The following LRRC63 variants were observed in gnomAD, a reference collection of about 807,000 sequenced individuals.
The protein encoded by LRRC63 is leucine rich repeat containing 63, also known as leucine-rich repeat-containing protein 63.
A neutral mutation model predicts 49.5 loss-of-function variants in LRRC63; 40 were observed. The observed-to-expected ratio is 0.81, with a 90% CI of 0.63 to 1.05. The LOEUF is 1.05. LRRC63 is among the 50% of genes least tolerant of loss of function. The pLI, the probability that LRRC63 is intolerant of heterozygous loss-of-function variation, is 0.00. For missense variants in LRRC63, 636 were observed against 663.1 expected (o/e 0.96, Z 0.45); for synonymous variants, 191 against 221.1 (o/e 0.86, Z 1.21).
chr13:46,223,475 G>GTTTGTTT (rs1566472007), intron 2 of LRRC63, among the ~76,000 whole-genome samples: 5 of 127,866 alleles, frequency 3.9e-5, no homozygotes, highest in African/African-American at 1.3e-4. Context: ...TTGGCTGACA[G>GTTTGTTT]TTTTTTTTGT....
intron 6 of LRRC63, 111 bp downstream of exon 6, chr13:46,246,736 A>G: frequency 4.3e-6 from 2 of 463,098 alleles, no homozygotes; most frequent in Non-Finnish European, 7.0e-6. Context: ...CTGTAAATGT[A>G]TTTTGGATTG....
chr13:46,231,725 G>T (rs2046762753), intron 4 of LRRC63, among the ~76,000 whole-genome samples: 1 of 151,052 alleles, frequency 6.6e-6, no homozygotes, highest in South Asian at 2.1e-4. Flanking sequence ...GACCAGACTG[G>T]TCTCAAACTC....
At chr13:46,248,325 G>A (rs1030035650) in intron 6 of LRRC63, among the ~76,000 whole-genome samples, 1 of 151,926 alleles carries the variant, frequency 6.6e-6, no homozygotes, top group Admixed American at 6.6e-5. Flanking sequence ...AAAAGATACA[G>A]ATAGTCAAAC....
chr13:46,227,923 T>A (rs2046625464), exon 3 of LRRC63: 1 of 1,550,520 alleles, frequency 6.4e-7, no homozygotes, highest in Admixed American at 2.0e-5. Context: ...CCTGGCTCAG[T>A]TATCGCTCAA....
At chr13:46,227,418 G>T (rs1421457498) in intron 2 of LRRC63, 94 bp from the exon 3 acceptor site, 2 of 803,196 alleles carry the variant, frequency 2.5e-6, no homozygotes, top group Admixed American at 6.7e-5. Flanking sequence ...GGTGAGAAAG[G>T]GGTGAGTGGG....
At chr13:46,256,897 A>G (rs1053862503) in intron 7 of LRRC63, among the ~76,000 whole-genome samples, 1 of 152,212 alleles carries the variant, frequency 6.6e-6, no homozygotes, top group Non-Finnish European at 1.5e-5. Flanking sequence ...ATGGTCCCCA[A>G]AGATGTTCAT....
intron 2 of LRRC63, among the ~76,000 whole-genome samples, chr13:46,214,462 T>G (rs2046187102): frequency 6.6e-6 from 1 of 152,188 alleles, no homozygotes; most frequent in African/African-American, 2.4e-5. Context: ...TCTTGTAGTT[T>G]CTCCATTCAT....
At chr13:46,267,924 G>A (rs2047704360) in intron 9 of LRRC63, among the ~76,000 whole-genome samples, 1 of 152,104 alleles carries the variant, frequency 6.6e-6, no homozygotes, top group South Asian at 2.1e-4. Context: ...GAGGCTAAAT[G>A]GTCCCAGAGC....
chr13:46,266,197 A>G (rs984547902), intron 8 of LRRC63, among the ~76,000 whole-genome samples: 2 of 152,230 alleles, frequency 1.3e-5, no homozygotes, highest in Admixed American at 1.3e-4. Flanking sequence ...AAGTGAAAAT[A>G]AGAAAATCAG....
chr13:46,269,006 T>C (rs2047719403), intron 9 of LRRC63, among the ~76,000 whole-genome samples: 1 of 151,986 alleles, frequency 6.6e-6, no homozygotes, highest in South Asian at 2.1e-4. Flanking sequence ...CTTTATAGAA[T>C]AGTAAAGAAG....
At chr13:46,228,801 G>C in intron 4 of LRRC63, 68 bp downstream of exon 4, 1 of 1,070,266 alleles carries the variant, frequency 9.3e-7, no homozygotes, top group Non-Finnish European at 1.4e-6. Context: ...AAAATTATGG[G>C]TGATTTTTTG....
At chr13:46,268,439 TCG>T (rs2047710785) in intron 9 of LRRC63, among the ~76,000 whole-genome samples, 1 of 152,138 alleles carries the variant, frequency 6.6e-6, no homozygotes, top group Non-Finnish European at 1.5e-5. Context: ...AGATATGAAT[TCG>T]CAGACATCAT....
intron 9 of LRRC63, chr13:46,270,336 G>T (rs745668074): frequency 2.3e-6 from 2 of 862,372 alleles, no homozygotes; most frequent in Non-Finnish European, 4.0e-6. Context: ...AAATTTAAGT[G>T]GGGGGCACAG....
intron 9 of LRRC63, among the ~76,000 whole-genome samples, chr13:46,273,260 G>A (rs1371761731): frequency 6.6e-6 from 1 of 152,088 alleles, no homozygotes; most frequent in Non-Finnish European, 1.5e-5. Context: ...TGGGAAAAGA[G>A]GGATGTGTAC....
intron 3 of LRRC63, 112 bp from the exon 4 acceptor site, chr13:46,228,553 C>T: frequency 1.5e-6 from 1 of 685,912 alleles, no homozygotes. Flanking sequence ...AATATATTTT[C>T]ATGGATAATT....
chr13:46,256,808 G>A lies in LRRC63; in HGVS notation c.1227-5101G>A, dbSNP rs570279021. Among the ~76,000 whole-genome samples the A allele has an allele frequency of 3.2e-3, 486 of 152,168 alleles. 1 individual carries two copies. The highest frequency in any genetic ancestry group is 5.0e-3 in the Non-Finnish European group (342 of 68,002). ...TTGATGCTGTAAAGGTTAACCTTTC[G>A]GGAAATTGAGATAAGTGAATGTATT... On this transcript the variant is annotated intron_variant, in intron 7 of 9. Coordinates refer to ENST00000595396, the Ensembl canonical transcript of LRRC63.
chr13:46,222,916 A>G (rs954439481), intron 2 of LRRC63, among the ~76,000 whole-genome samples: 4 of 152,120 alleles, frequency 2.6e-5, no homozygotes, highest in Admixed American at 6.6e-5. Flanking sequence ...TTGTAGGGAC[A>G]TGGATGAAAT....
chr13:46,240,360 C>T (rs182100639), intron 5 of LRRC63, among the ~76,000 whole-genome samples: 1 of 152,154 alleles, frequency 6.6e-6, no homozygotes, highest in East Asian at 1.9e-4. Flanking sequence ...ATCTCCTAAC[C>T]TCATGATCCG....
chr13:46,232,588 A>G (rs999426499), intron 4 of LRRC63, among the ~76,000 whole-genome samples: 13 of 152,162 alleles, frequency 8.5e-5, no homozygotes, highest in African/African-American at 2.4e-4. Flanking sequence ...GCTCAAACCA[A>G]TCCTTGATAA....
Sources: allele counts gnomAD v4.1 joint callset (sites outside exome capture counted in the v4.1 genomes callset), GRCh38; gene constraint gnomAD v4.1.1; transcripts MANE v1.5; gene names NCBI Gene and HGNC (gene_info 2026-07-23, HGNC 2026-07-21).